DNAH6: variants seen among roughly 807,000 people sequenced by gnomAD.
DNAH6 encodes the protein axonemal beta dynein heavy chain 6.
A neutral mutation model predicts 491.4 loss-of-function variants in DNAH6; 340 were observed. The observed-to-expected ratio is 0.69, with a 90% CI of 0.63 to 0.76. DNAH6 has a LOEUF of 0.76. Among genes scored for constraint, DNAH6 ranks in the 30% least tolerant of loss-of-function variants. The pLI is 0.00. For synonymous variants in DNAH6, 1,603 were observed against 1,686.1 expected (o/e 0.95, Z 1.21); for missense variants, 4,443 against 4,972.2 (o/e 0.89, Z 3.20).
intron 62 of DNAH6, among the ~76,000 whole-genome samples, chr2:84,739,764 A>T (rs529548380): frequency 7.2e-5 from 11 of 152,142 alleles, no homozygotes; most frequent in African/African-American, 2.4e-4. Flanking sequence ...TAATATAGCT[A>T]TGTTGTCTTT....
intron 64 of DNAH6, among the ~76,000 whole-genome samples, chr2:84,776,827 A>G (rs1411125807): frequency 6.6e-6 from 1 of 152,246 alleles, no homozygotes; most frequent in African/African-American, 2.4e-5. Context: ...CACAATAGCA[A>G]AGACTTGGAA....
the DNAH6 span, among the ~76,000 whole-genome samples, chr2:84,470,637 G>A: frequency 1.3e-5 from 2 of 152,150 alleles, no homozygotes; most frequent in African/African-American, 4.8e-5. Context: ...CTTGTTTTAT[G>A]AGCAAAGTCT....
At chr2:84,772,755 G>A (rs182561312) in intron 64 of DNAH6, among the ~76,000 whole-genome samples, 21 of 151,982 alleles carry the variant, frequency 1.4e-4, no homozygotes, top group African/African-American at 4.8e-4. Context: ...AATAAATAAG[G>A]TAATAGAAGA....
chr2:84,732,700 T>C (rs1385696045), intron 61 of DNAH6, among the ~76,000 whole-genome samples: 1 of 152,230 alleles, frequency 6.6e-6, no homozygotes, highest in Non-Finnish European at 1.5e-5. Context: ...TAAATTGTGA[T>C]GGTGGTTGTA....
In DNAH6 at chr2:84,701,252, G is replaced by T. The variant is rs986571668; in HGVS notation, c.7974G>T (p.Arg2658Ser). 6 of 1,551,658 alleles carry T rather than the reference G, an allele frequency of 3.9e-6. No individual in the cohort carries two copies. The African/African-American group carries it at 6.8e-5, about 18-fold the overall frequency. ...AGCGCTATTACAATGAGCTGCGCAG[G>T]CGGTACTACACGACACCCACCTCCT... ...MAERYYNELR[R>S]RYYTTPTSYL... The change falls in exon 49 of 77, where the codon AGG becomes AGT. Residue 2658 changes from arginine to serine, a missense_variant. By Grantham distance (110) the Arg-to-Ser change is moderately radical. Coordinates refer to ENST00000389394, the MANE Select transcript of DNAH6 (RefSeq NM_001370.2).
the DNAH6 span, among the ~76,000 whole-genome samples, chr2:84,476,184 C>G: frequency 8.8e-3 from 1,346 of 152,240 alleles, 64 homozygotes; most frequent in Admixed American, 0.066. Flanking sequence ...GAATTTGGCC[C>G]ATATTGACTA....
At chr2:84,509,845 G>A in the DNAH6 span, among the ~76,000 whole-genome samples, 1 of 152,126 alleles carries the variant, frequency 6.6e-6, no homozygotes, top group South Asian at 2.1e-4. Context: ...GCTTAGTTTG[G>A]CTGGATATGA....
intron 64 of DNAH6, among the ~76,000 whole-genome samples, chr2:84,772,595 C>T (rs1675735791): frequency 6.6e-6 from 1 of 151,962 alleles, no homozygotes; most frequent in South Asian, 2.1e-4. Context: ...ATCAAAAAGA[C>T]ATAACAATTG....
intron 11 of DNAH6, among the ~76,000 whole-genome samples, chr2:84,560,428 T>C (rs1680523945): frequency 7.2e-6 from 1 of 139,508 alleles, no homozygotes; most frequent in Non-Finnish European, 1.5e-5. Flanking sequence ...ATCAAGGCTA[T>C]ACAAAAATAG....
intron 68 of DNAH6, among the ~76,000 whole-genome samples, chr2:84,796,009 C>G (rs773038891): frequency 3.3e-5 from 5 of 151,942 alleles, no homozygotes; most frequent in Admixed American, 1.3e-4. Context: ...ATCAGTATTT[C>G]AAAGCAAAAG....
Position 84,748,585 on chromosome 2 carries a change from A to G in DNAH6, c.10512+3336A>G, listed in dbSNP as rs116820907. ...TTTATCAGCCTGGCTTTCACTGTTC[A>G]TATTTCTGTCAGCATTTGGTCACAA... On this transcript the variant is annotated intron_variant, in intron 63 of 76. Transcript: ENST00000389394. Among the ~76,000 whole-genome samples the G allele has an allele frequency of 2.0e-3, 308 of 152,216 alleles. 2 individuals carry two copies. Among genetic ancestry groups the G allele is most frequent in the East Asian group, 0.018 (95 of 5,180 alleles).
chr2:84,565,913 C>T (rs1681152150), intron 11 of DNAH6, among the ~76,000 whole-genome samples: 1 of 151,898 alleles, frequency 6.6e-6, no homozygotes, highest in South Asian at 2.1e-4. Flanking sequence ...AGAATAGTGA[C>T]TCCTGCTCTT....
At chr2:84,648,810 A>G (rs76517772) in intron 33 of DNAH6, among the ~76,000 whole-genome samples, 4,359 of 152,342 alleles carry the variant, frequency 0.029, 228 homozygotes, top group African/African-American at 0.099. Context: ...TGTTGCATAA[A>G]TATAGTTGAT....
At chr2:84,754,212 C>T (rs1285590281) in intron 63 of DNAH6, among the ~76,000 whole-genome samples, 1 of 149,994 alleles carries the variant, frequency 6.7e-6, no homozygotes, top group African/African-American at 2.5e-5. Flanking sequence ...GGAGTTTTGC[C>T]CTTGTCGCCC....
At chr2:84,465,229 C>A in the DNAH6 span, among the ~76,000 whole-genome samples, 1 of 152,198 alleles carries the variant, frequency 6.6e-6, no homozygotes, top group African/African-American at 2.4e-5. Context: ...GGCGTGGTGG[C>A]TAACGCCTGT....
intron 16 of DNAH6, among the ~76,000 whole-genome samples, chr2:84,592,156 T>C (rs1026143416): frequency 1.3e-5 from 2 of 151,602 alleles, no homozygotes; most frequent in Non-Finnish European, 2.9e-5. Flanking sequence ...AAAGGCAACA[T>C]ACAGAATGAG....
At chr2:84,796,146 A>G (rs913237711) in intron 68 of DNAH6, among the ~76,000 whole-genome samples, 160 bp from the exon 69 acceptor site, 3 of 152,188 alleles carry the variant, frequency 2.0e-5, no homozygotes, top group African/African-American at 4.8e-5. Flanking sequence ...ATTGACTTCT[A>G]TTATCTTTGA....
chr2:84,541,397 G>C (rs1214031759), intron 4 of DNAH6, among the ~76,000 whole-genome samples: 7 of 152,258 alleles, frequency 4.6e-5, no homozygotes, highest in Admixed American at 3.3e-4. Context: ...AAGTCCTGTT[G>C]ATCTTTGGAA....
At chr2:84,775,478 G>T (rs1276606873) in intron 64 of DNAH6, among the ~76,000 whole-genome samples, 1 of 152,032 alleles carries the variant, frequency 6.6e-6, no homozygotes, top group African/African-American at 2.4e-5. Flanking sequence ...TTTCATTTTT[G>T]TTGTGTCTGT....
Sources: gnomAD v4.1 joint callset for allele counts (sites outside exome capture counted in the v4.1 genomes callset) on GRCh38, gnomAD v4.1.1 for gene constraint, MANE v1.5 for transcripts, NCBI Gene and HGNC (gene_info 2026-07-23, HGNC 2026-07-21) for gene names.